Variants in GLIS3 observed in about 807,000 individuals in gnomAD.
The protein encoded by GLIS3 is zinc finger protein GLIS3.
In GLIS3, 53 loss-of-function variants were observed where a neutral mutation model predicts 78.6. The ratio of observed to expected loss-of-function variants is 0.67; its 90% CI spans 0.54 to 0.85. The LOEUF is 0.85. Among genes scored for constraint, GLIS3 ranks in the 40% least tolerant of loss-of-function variants. GLIS3 has a pLI of 0.00. For synonymous variants in GLIS3, 684 were observed against 509.9 expected (o/e 1.34, Z -4.60); for missense variants, 1,703 against 1,231.1 (o/e 1.38, Z -5.74).
intron 2 of GLIS3, among the ~76,000 whole-genome samples, chr9:4,276,732 C>T (rs1274594271): frequency 3.9e-5 from 6 of 152,034 alleles, no homozygotes; most frequent in Non-Finnish European, 8.8e-5. Flanking sequence ...ATCACGCCTC[C>T]GATTGAGTAA....
chr9:4,171,814 C>G (rs1006096257), intron 2 of GLIS3, among the ~76,000 whole-genome samples: 4 of 152,150 alleles, frequency 2.6e-5, no homozygotes, highest in Admixed American at 2.0e-4. Flanking sequence ...ATACGCAGAA[C>G]AAATACTCAA....
intron 4 of GLIS3, among the ~76,000 whole-genome samples, chr9:3,963,004 A>G (rs532500449): frequency 6.6e-6 from 1 of 151,042 alleles, no homozygotes; most frequent in Non-Finnish European, 1.5e-5. Context: ...CAGAGTTGCC[A>G]GTGCTAATCA....
chr9:4,352,769 G>C (rs974689856), upstream of GLIS3, among the ~76,000 whole-genome samples: 17 of 152,208 alleles, frequency 1.1e-4, no homozygotes, highest in Non-Finnish European at 2.4e-4. Flanking sequence ...TGGATGGAGA[G>C]ATCAAAATAC....
At chr9:4,279,295 C>A (rs1733171109) in intron 2 of GLIS3, among the ~76,000 whole-genome samples, 1 of 13,416 alleles carries the variant, frequency 7.5e-5, no homozygotes, top group Admixed American at 1.7e-3. Context: ...AAGACTCCAT[C>A]TCAAAAAAAA....
chr9:3,964,788 C>A (rs1817805418), intron 4 of GLIS3, among the ~76,000 whole-genome samples: 1 of 151,964 alleles, frequency 6.6e-6, no homozygotes, highest in African/African-American at 2.4e-5. Context: ...TGTTTCTGGG[C>A]AGTAGTAGGA....
intron 2 of GLIS3, among the ~76,000 whole-genome samples, chr9:4,283,193 G>A (rs1827704977): frequency 6.6e-6 from 1 of 151,894 alleles, no homozygotes; most frequent in African/African-American, 2.4e-5. Flanking sequence ...CACAGGCCAG[G>A]AACCCTTCTA....
the GLIS3 span, among the ~76,000 whole-genome samples, chr9:4,459,856 A>G: frequency 6.6e-6 from 1 of 152,174 alleles, no homozygotes; most frequent in Admixed American, 6.5e-5. Context: ...TGGAGGAGGA[A>G]GTGATTAACC....
chr9:4,141,567 G>A (rs894878248), intron 2 of GLIS3, among the ~76,000 whole-genome samples: 2 of 152,146 alleles, frequency 1.3e-5, no homozygotes, highest in Non-Finnish European at 2.9e-5. Context: ...ACCCCAACTA[G>A]CAATAACTGA....
chr9:4,322,512 C>T (rs1192569481), intron 2 of GLIS3, among the ~76,000 whole-genome samples: 1 of 152,146 alleles, frequency 6.6e-6, no homozygotes, highest in Admixed American at 6.5e-5. Context: ...GTTTACACTC[C>T]CACCAATAGT....
At chr9:3,933,800 G>A (rs1825747926) in intron 5 of GLIS3, among the ~76,000 whole-genome samples, 1 of 152,118 alleles carries the variant, frequency 6.6e-6, no homozygotes, top group South Asian at 2.1e-4. Context: ...ACAAATAAGT[G>A]GATTACATTA....
At chr9:4,011,926 A>G (rs780849171) in intron 4 of GLIS3, among the ~76,000 whole-genome samples, 9 of 152,134 alleles carry the variant, frequency 5.9e-5, no homozygotes, top group Non-Finnish European at 8.8e-5. Context: ...ATGGTTGAGA[A>G]TTCTCATTAA....
At position 4,284,961 on chromosome 9, in the gene GLIS3, A is replaced by AT. The variant is rs34494309; in HGVS notation, c.388+1076dup. Among the ~76,000 whole-genome samples the AT allele has an allele frequency of 6.0e-5, 9 of 150,988 alleles. No individual in the cohort carries two copies. In the South Asian group the frequency reaches 6.3e-4, roughly 11 times the overall value. On this transcript the variant is annotated intron_variant, in intron 2 of 10. Transcript: ENST00000381971. ...AAAAGGCACATGTATGTTTAGTGCTATTTTTTTTTTAAACCTGCCCATTTA... is the reference window on the plus strand; with the variant it reads ...AAAAGGCACATGTATGTTTAGTGCTATTTTTTTTTTTAAACCTGCCCATTTA...
At chr9:4,223,985 T>G (rs1821546129) in intron 2 of GLIS3, among the ~76,000 whole-genome samples, 1 of 151,226 alleles carries the variant, frequency 6.6e-6, no homozygotes, top group African/African-American at 2.4e-5. Context: ...CTTCTACACT[T>G]CTACAAAAAA....
intron 2 of GLIS3, among the ~76,000 whole-genome samples, chr9:4,138,130 C>T (rs1004706722): frequency 6.6e-6 from 1 of 152,186 alleles, no homozygotes; most frequent in Non-Finnish European, 1.5e-5. Flanking sequence ...AGGCTTAGAT[C>T]AAGCCTCATC....
intron 2 of GLIS3, among the ~76,000 whole-genome samples, chr9:4,342,049 G>C (rs149863025): frequency 7.1e-4 from 108 of 152,300 alleles, no homozygotes; most frequent in Middle Eastern, 3.4e-3. Flanking sequence ...TCTGTAGTTT[G>C]TCTGTTTAAT....
chr9:4,025,574 G>C (rs1823263075), intron 4 of GLIS3, among the ~76,000 whole-genome samples: 1 of 152,062 alleles, frequency 6.6e-6, no homozygotes, highest in Non-Finnish European at 1.5e-5. Context: ...TTTTAGTAGA[G>C]ACGGGGTTTC....
intron 2 of GLIS3, among the ~76,000 whole-genome samples, chr9:4,206,779 C>T (rs1043927029): frequency 1.3e-5 from 2 of 152,048 alleles, no homozygotes; most frequent in African/African-American, 4.8e-5. Context: ...ATCAGTTTAC[C>T]AAGAGCTGAA....
At chr9:4,080,432 C>G (rs904586987) in intron 4 of GLIS3, among the ~76,000 whole-genome samples, 4 of 151,804 alleles carry the variant, frequency 2.6e-5, no homozygotes, top group African/African-American at 9.7e-5. Flanking sequence ...AACATTAGTA[C>G]AAAAAAATGC....
At chr9:4,415,598 T>C in the GLIS3 span, among the ~76,000 whole-genome samples, 1 of 152,198 alleles carries the variant, frequency 6.6e-6, no homozygotes, top group African/African-American at 2.4e-5. Context: ...TCAGATCACA[T>C]GCAAGCCTGA....
Sources: gnomAD v4.1 joint callset for allele counts (sites outside exome capture counted in the v4.1 genomes callset) on GRCh38, gnomAD v4.1.1 for gene constraint, MANE v1.5 for transcripts, NCBI Gene and HGNC (gene_info 2026-07-23, HGNC 2026-07-21) for gene names.